The following IL1RAPL1 variants were observed in gnomAD, a reference collection of about 807,000 sequenced individuals.
IL1RAPL1 encodes the protein interleukin 1 receptor accessory protein like 1.
Under a neutral mutation model 48.4 loss-of-function variants are expected in IL1RAPL1, and 3 were observed. The ratio of observed to expected loss-of-function variants is 0.06; its 90% CI spans 0.03 to 0.16. The LOEUF (loss-of-function observed/expected upper bound fraction) is 0.16. IL1RAPL1 is among the 10% of genes least tolerant of loss of function. IL1RAPL1 has a pLI of 1.00. For missense variants in IL1RAPL1, 349 were observed against 530.6 expected (o/e 0.66, Z 3.36); for synonymous variants, 185 against 187.7 (o/e 0.99, Z 0.12).
At chrX:28,953,181 G>A (rs1030073243) in intron 2 of IL1RAPL1, among the ~76,000 whole-genome samples, 3 of 111,168 alleles carry the variant, frequency 2.7e-5, no homozygotes, top group African/African-American at 9.8e-5. Flanking sequence ...AATAATACAA[G>A]GAAAAACCCA....
intron 1 of IL1RAPL1, among the ~76,000 whole-genome samples, chrX:28,729,699 T>A (rs1220402021): frequency 9.0e-6 from 1 of 111,564 alleles, no homozygotes; most frequent in Non-Finnish European, 1.9e-5. Context: ...TTTCTTCCAG[T>A]TAGAAGATAG....
intron 6 of IL1RAPL1, among the ~76,000 whole-genome samples, chrX:29,838,458 G>A (rs1020404276): frequency 8.9e-6 from 1 of 111,860 alleles, no homozygotes; most frequent in Admixed American, 9.5e-5. Context: ...GTGTAAATTT[G>A]GATCCATATC....
intron 2 of IL1RAPL1, among the ~76,000 whole-genome samples, chrX:28,831,022 C>G (rs1415828946): frequency 1.5e-5 from 1 of 64,977 alleles, no homozygotes; most frequent in African/African-American, 7.2e-5. Flanking sequence ...CTCTCTCTCT[C>G]TCTCTGTGTG....
At chrX:29,354,091 A>C (rs1933270824) in intron 3 of IL1RAPL1, among the ~76,000 whole-genome samples, 1 of 110,966 alleles carries the variant, frequency 9.0e-6, no homozygotes, top group African/African-American at 3.3e-5. Context: ...TTATCTTCAT[A>C]TCAAGCCTAT....
chrX:29,955,700 C>G lies in IL1RAPL1; in HGVS notation c.1971C>G (p.Ile657Met). ...HTYCNIPMTLINGQRPQTKSS... is the reference protein window; with the variant it reads ...HTYCNIPMTLMNGQRPQTKSS... ...ACTGTAACATCCCTATGACACTCATCAACGGGCAGCGGCCACAGACAAAAT... is the reference window on the plus strand; with the variant it reads ...ACTGTAACATCCCTATGACACTCATGAACGGGCAGCGGCCACAGACAAAAT... The change falls in exon 11 of 11, where the codon ATC becomes ATG. Residue 657 changes from isoleucine (I) to methionine (M), a missense_variant. Physicochemically the swap from Ile to Met is conservative, Grantham distance 10 (BLOSUM62 1). Transcript: ENST00000378993. 2.5e-6 allele frequency: 3 copies of G among 1,211,553 alleles called. No homozygotes were observed. The highest frequency in any genetic ancestry group is 3.4e-6 in the Non-Finnish European group (3 of 895,335).
intron 5 of IL1RAPL1, among the ~76,000 whole-genome samples, chrX:29,584,043 C>T (rs1047020990): frequency 9.0e-6 from 1 of 111,463 alleles, no homozygotes; most frequent in Non-Finnish European, 1.9e-5. Flanking sequence ...CCCTTGCTTA[C>T]TTGTGCTTGG....
chrX:29,120,862 C>A (rs1928769533), intron 2 of IL1RAPL1, among the ~76,000 whole-genome samples: 1 of 111,588 alleles, frequency 9.0e-6, no homozygotes, highest in Non-Finnish European at 1.9e-5. Flanking sequence ...CAAATGAATC[C>A]AATAATGTAT....
intron 5 of IL1RAPL1, among the ~76,000 whole-genome samples, chrX:29,405,910 A>C (rs1934059892): frequency 1.9e-5 from 2 of 104,773 alleles, no homozygotes; most frequent in Non-Finnish European, 3.8e-5. Flanking sequence ...TTTTGAAATT[A>C]TCTCTCAGTT....
At chrX:29,017,107 AT>A (rs1400754060) in intron 2 of IL1RAPL1, among the ~76,000 whole-genome samples, 1 of 112,326 alleles carries the variant, frequency 8.9e-6, no homozygotes, top group Non-Finnish European at 1.9e-5. Flanking sequence ...CACTGACTAG[AT>A]TATATGATTC....
chrX:29,365,026 A>G (rs756259776), intron 3 of IL1RAPL1, among the ~76,000 whole-genome samples: 6 of 112,592 alleles, frequency 5.3e-5, no homozygotes, highest in Non-Finnish European at 1.1e-4. Context: ...AAGGACTGAA[A>G]AAGATATTTA....
At chrX:29,358,391 C>T (rs900431332) in intron 3 of IL1RAPL1, among the ~76,000 whole-genome samples, 5 of 110,409 alleles carry the variant, frequency 4.5e-5, no homozygotes, top group Non-Finnish European at 7.6e-5. Flanking sequence ...CTGTCTCTGT[C>T]TCTCTCTACG....
chrX:29,071,657 T>A (rs1459005970), intron 2 of IL1RAPL1, among the ~76,000 whole-genome samples: 1 of 111,701 alleles, frequency 9.0e-6, no homozygotes, highest in Non-Finnish European at 1.9e-5. Flanking sequence ...TCCCCTATAG[T>A]ATCTAGCACA....
At chrX:28,873,192 C>T (rs922111539) in intron 2 of IL1RAPL1, among the ~76,000 whole-genome samples, 1 of 98,247 alleles carries the variant, frequency 1.0e-5, no homozygotes. Context: ...CTCACTGCAA[C>T]GTCCGCCTCC....
chrX:29,269,622 C>CT lies in IL1RAPL1; in HGVS notation c.83-13301dup, dbSNP rs769725561. Among the ~76,000 whole-genome samples the CT allele has an allele frequency of 4.5e-3, 433 of 96,955 alleles. 7 individuals carry two copies. The highest frequency in any genetic ancestry group is 0.01 in the East Asian group (32 of 3,105). 84.2% of individuals were successfully genotyped at this position (96,955 alleles called of 115,157 possible). A position where few individuals can be genotyped will look rare whatever the true frequency, so the allele number is the denominator to read the frequency against. On this transcript the variant is annotated intron_variant, in intron 2 of 10. Transcript: ENST00000378993. ...AGAGTTTAAGGTTCAAGGCAACCTTCTTTTTTTTTTTTTTTCTGTGCTGCC... is the reference window on the plus strand; with the variant it reads ...AGAGTTTAAGGTTCAAGGCAACCTTCTTTTTTTTTTTTTTTTCTGTGCTGCC...
intron 5 of IL1RAPL1, among the ~76,000 whole-genome samples, chrX:29,498,984 C>G (rs917919376): frequency 2.7e-5 from 3 of 112,213 alleles, no homozygotes; most frequent in Non-Finnish European, 3.8e-5. Context: ...AATCAAACCA[C>G]AAAGGTTCTT....
rs776922450 is a variant in IL1RAPL1, at chrX:29,622,997, G to A, written c.704-45433G>A. Among the ~76,000 whole-genome samples, 237 of 109,440 alleles carry A rather than the reference G, an allele frequency of 2.2e-3. 1 individual carries two copies. Among genetic ancestry groups the A allele is most frequent in the African/African-American group, 7.2e-3 (218 of 30,086 alleles). On this transcript the variant is annotated intron_variant, in intron 5 of 10. Coordinates refer to ENST00000378993, the MANE Select transcript of IL1RAPL1 (RefSeq NM_014271.4). ...GTTTTAAGAATTCTTGCAGCCGGGC[G>A]CGGTGGCTCACGCCTGTAATCCCAG...
At chrX:28,824,140 A>G in intron 2 of IL1RAPL1, among the ~76,000 whole-genome samples, 1 of 111,470 alleles carries the variant, frequency 9.0e-6, no homozygotes, top group African/African-American at 3.3e-5. Context: ...TTCTTACTTT[A>G]ATTTACCTAC....
chrX:29,846,887 C>T (rs1471115976), intron 6 of IL1RAPL1, among the ~76,000 whole-genome samples: 1 of 109,290 alleles, frequency 9.1e-6, no homozygotes, highest in African/African-American at 3.3e-5. Flanking sequence ...TCCCTATGGG[C>T]AGGGAAGAGA....
At chrX:28,861,029 T>C (rs373900543) in intron 2 of IL1RAPL1, among the ~76,000 whole-genome samples, 12 of 111,570 alleles carry the variant, frequency 1.1e-4, no homozygotes, top group African/African-American at 3.6e-4. Flanking sequence ...TAAATCTGTT[T>C]ATAAGAATTT....
Sources: allele counts gnomAD v4.1 joint callset (sites outside exome capture counted in the v4.1 genomes callset), GRCh38; gene constraint gnomAD v4.1.1; transcripts MANE v1.5; gene names NCBI Gene and HGNC (gene_info 2026-07-23, HGNC 2026-07-21).